SIL1: variants seen among roughly 807,000 people sequenced by gnomAD.
SIL1 encodes nucleotide exchange factor SIL1.
Under a neutral mutation model 49.1 loss-of-function variants are expected in SIL1, and 40 were observed. The ratio of observed to expected loss-of-function variants is 0.81; its 90% confidence interval spans 0.63 to 1.06. The LOEUF is 1.06. Ranked by LOEUF, SIL1 falls within the 50% of genes least tolerant of loss-of-function variation. SIL1 has a pLI of 0.00. For synonymous variants in SIL1, 253 were observed against 250.8 expected, an observed-to-expected ratio of 1.01 and a Z score of -0.08; for missense variants, 500 against 572.6, an observed-to-expected ratio of 0.87 and a Z score of 1.29.
In SIL1 at chr5:138,987,349, T is replaced by C. The variant is rs564195396; in HGVS notation, c.767+33822A>G. Among the ~76,000 whole-genome samples the C allele has an allele frequency of 1.4e-3, 212 of 152,044 alleles. 3 individuals carry two copies. Among genetic ancestry groups the C allele is most frequent in the African/African-American group, 4.2e-3 (173 of 41,476 alleles). Reference sequence around the variant, plus strand: ...GCTGGTCTCAAACTCCTGGCCTCAATTGATCTACCCACTCGGCCTCCCACA... The same window carrying C: ...GCTGGTCTCAAACTCCTGGCCTCAACTGATCTACCCACTCGGCCTCCCACA... On this transcript the variant is annotated intron_variant, in intron 7 of 9. Coordinates refer to ENST00000394817, the MANE Select transcript of SIL1 (RefSeq NM_022464.5).
chr5:139,055,252 C>A (rs1015748112), intron 3 of SIL1, among the ~76,000 whole-genome samples: 1 of 152,120 alleles, frequency 6.6e-6, no homozygotes, highest in Non-Finnish European at 1.5e-5. Flanking sequence ...AGTAAGGCCA[C>A]CTCATGCTTG....
chr5:138,990,873 A>G (rs1404762678), intron 7 of SIL1, among the ~76,000 whole-genome samples: 3 of 152,092 alleles, frequency 2.0e-5, no homozygotes, highest in Admixed American at 6.6e-5. Flanking sequence ...CCATCATCAC[A>G]TCTGTCTAAT....
At chr5:138,959,031 A>G (rs558014808) in intron 7 of SIL1, among the ~76,000 whole-genome samples, 47 of 152,284 alleles carry the variant, frequency 3.1e-4, no homozygotes, top group African/African-American at 1.1e-3. Context: ...AGGCATTTTC[A>G]TGCTGGCTTC....
At chr5:139,125,402 T>C (rs1274035615) in intron 2 of SIL1, among the ~76,000 whole-genome samples, 1 of 152,208 alleles carries the variant, frequency 6.6e-6, no homozygotes, top group Non-Finnish European at 1.5e-5. Flanking sequence ...AAGAGATTCT[T>C]AAAAACCAAA....
rs370151168 is a variant in SIL1, at chr5:139,130,303, T to A, written c.-10-2450A>T. ...TGCCACTAAAAAAAATAAAAAAAAT[T>A]AAAATGGGCAAAGGACTTGAATAAA... On this transcript the variant is annotated intron_variant, in intron 1 of 9. Coordinates refer to ENST00000394817, the MANE Select transcript of SIL1 (RefSeq NM_022464.5). 1.8e-4 allele frequency among the ~76,000 whole-genome samples: 28 copies of A among 151,676 alleles called. No homozygotes were observed. In the East Asian group the frequency reaches 2.7e-3, roughly 15 times the overall value.
At chr5:138,975,959 A>C (rs527608464) in intron 7 of SIL1, among the ~76,000 whole-genome samples, 1 of 152,372 alleles carries the variant, frequency 6.6e-6, no homozygotes, top group Non-Finnish European at 1.5e-5. Context: ...ATAATTTGTT[A>C]TACAACAACA....
At chr5:138,984,330 G>T (rs1581006305) in intron 7 of SIL1, among the ~76,000 whole-genome samples, 1 of 124,498 alleles carries the variant, frequency 8.0e-6, no homozygotes, top group Non-Finnish European at 1.8e-5. Flanking sequence ...CTCTCTTACG[G>T]TGTTTTTTTT....
intron 4 of SIL1, among the ~76,000 whole-genome samples, chr5:139,049,815 A>T (rs1462428713): frequency 6.6e-6 from 1 of 150,498 alleles, no homozygotes; most frequent in Admixed American, 6.6e-5. Context: ...AAAAAAAATC[A>T]TCATCATCAT....
chr5:139,096,475 C>A (rs539598906), intron 3 of SIL1, among the ~76,000 whole-genome samples: 1 of 151,882 alleles, frequency 6.6e-6, no homozygotes, highest in Admixed American at 6.6e-5. Context: ...CTAGCCAAGG[C>A]GCCTAAGGGA....
At chr5:139,161,968 A>G (rs1751522648) in intron 1 of SIL1, among the ~76,000 whole-genome samples, 1 of 151,798 alleles carries the variant, frequency 6.6e-6, no homozygotes, top group Admixed American at 6.6e-5. Flanking sequence ...AGCCAAGATC[A>G]TGCCACTGCA....
intron 7 of SIL1, among the ~76,000 whole-genome samples, chr5:138,985,534 G>A (rs987670639): frequency 1.2e-4 from 19 of 152,186 alleles, no homozygotes; most frequent in African/African-American, 3.9e-4. Context: ...AACCCAGCAC[G>A]CTGCCAGGGA....
At chr5:139,106,945 A>G (rs1050575388) in intron 3 of SIL1, among the ~76,000 whole-genome samples, 8 of 152,262 alleles carry the variant, frequency 5.3e-5, no homozygotes, top group Non-Finnish European at 2.9e-5. Context: ...ATCCACAAAC[A>G]TACTGCCATA....
At position 139,093,459 on chromosome 5, in the gene SIL1, T is replaced by A. The variant is rs559007453; in HGVS notation, c.244+27576A>T. Among the ~76,000 whole-genome samples the A allele has an allele frequency of 2.5e-4, 38 of 152,284 alleles. No individual in the cohort carries two copies. In the South Asian group the frequency reaches 7.5e-3, roughly 30 times the overall value. On this transcript the variant is annotated intron_variant, in intron 3 of 9. Transcript: ENST00000394817. ...GTTAGCTCCATCTCTCTTCCCACAC[T>A]AACCCAGTCCGTGTGTGTGAAAAGG...
intron 1 of SIL1, among the ~76,000 whole-genome samples, chr5:139,165,476 C>T (rs1225784687): frequency 2.0e-5 from 3 of 151,884 alleles, no homozygotes; most frequent in South Asian, 4.1e-4. Context: ...AGCCTCCCGA[C>T]TAGCTGGGAT....
At chr5:139,078,051 G>A (rs1039488724) in intron 3 of SIL1, among the ~76,000 whole-genome samples, 15 of 152,202 alleles carry the variant, frequency 9.9e-5, no homozygotes, top group African/African-American at 3.4e-4. Flanking sequence ...CAATATGGAT[G>A]TATTTTTCCA....
chr5:139,021,433 G>A (rs1768525553), intron 6 of SIL1, 141 bp from the exon 7 acceptor site: 2 of 1,365,238 alleles, frequency 1.5e-6, no homozygotes, highest in South Asian at 2.6e-5. Context: ...CTAAGAAAAG[G>A]TTTGTAAAAA....
intron 1 of SIL1, among the ~76,000 whole-genome samples, chr5:139,146,270 A>G (rs780698952): frequency 6.6e-6 from 1 of 152,208 alleles, no homozygotes; most frequent in East Asian, 1.9e-4. Flanking sequence ...CTAAAAATTT[A>G]AGAAGGCCAG....
At chr5:139,174,431 T>C (rs1751837547) in intron 1 of SIL1, among the ~76,000 whole-genome samples, 1 of 151,784 alleles carries the variant, frequency 6.6e-6, no homozygotes, top group Non-Finnish European at 1.5e-5. Context: ...CAGGAGGTCA[T>C]GACTACGCCA....
chr5:139,118,559 T>C (rs1639023257), intron 3 of SIL1, among the ~76,000 whole-genome samples: 1 of 152,218 alleles, frequency 6.6e-6, no homozygotes, highest in Non-Finnish European at 1.5e-5. Flanking sequence ...GGCTAGGGTT[T>C]GAACCCCAAA....
Sources: allele counts gnomAD v4.1 joint callset (sites outside exome capture counted in the v4.1 genomes callset), GRCh38; gene constraint gnomAD v4.1.1; transcripts MANE v1.5; gene names NCBI Gene and HGNC (gene_info 2026-07-23, HGNC 2026-07-21).